Variants in GTPBP3 observed in about 807,000 individuals in gnomAD.
GTPBP3 encodes 5-taurinomethyluridine-[tRNA] synthase subunit GTPB3, mitochondrial.
A neutral mutation model predicts 42.0 loss-of-function variants in GTPBP3; 35 were observed. The ratio of observed to expected loss-of-function variants is 0.83; its 90% confidence interval spans 0.64 to 1.10. The LOEUF is 1.10. GTPBP3 is among the 50% of genes least tolerant of loss of function. GTPBP3 has a pLI of 0.00. For synonymous variants in GTPBP3, 332 were observed against 314.9 expected (o/e 1.05, Z -0.58); for missense variants, 691 against 685.2 (o/e 1.01, Z -0.09).
At position 17,341,235 on chromosome 19, in the gene GTPBP3, A is replaced by C. The variant is rs1599562782; in HGVS notation, c.1166A>C (p.Asp389Ala). The C allele has an allele frequency of 1.2e-6, 2 of 1,606,744 alleles. No individual in the cohort carries two copies. Among genetic ancestry groups the C allele is most frequent in the Non-Finnish European group, 1.7e-6 (2 of 1,179,680 alleles). The stretch of plus-strand genomic sequence containing the variant: ...CCGGAGGGCCCAGGTCCCGGTCCTG[A>C]CCTGCCCCCGCACCTGCTGCTGTCC... ...LSPEGPGPGP[D>A]LPPHLLLSCL... The change falls in exon 8 of 9, where the codon GAC becomes GCC. Residue 389 changes from aspartate (D) to alanine (A), a missense_variant. Coordinates refer to ENST00000324894, the MANE Select transcript of GTPBP3 (RefSeq NM_032620.4).
Position 17,337,851 on chromosome 19 carries a change from T to C in GTPBP3, c.54-157T>C, listed in dbSNP as rs3810204. On this transcript the variant is annotated intron_variant, in intron 1 of 8. Transcript: ENST00000324894. Reference sequence around the variant, plus strand: ...CTCCTTCTGGCCTCACAGTCCCTAATCCGGTCACCCTTCGGCCTTCAGAAC... The same window carrying C: ...CTCCTTCTGGCCTCACAGTCCCTAACCCGGTCACCCTTCGGCCTTCAGAAC... The C allele has an allele frequency of 0.29, 343,979 of 1,199,468 alleles. 54,499 individuals are homozygous for C. The highest frequency in any genetic ancestry group is 0.57 in the African/African-American group (37,033 of 64,914). 74.3% of individuals were successfully genotyped at this position (1,199,468 alleles called of 1,614,324 possible).
At position 17,341,196 on chromosome 19, in the gene GTPBP3, C is replaced by T. The variant is rs1568368093; in HGVS notation, c.1127C>T (p.Ser376Leu). 5 of 1,611,316 alleles carry T rather than the reference C, an allele frequency of 3.1e-6. No homozygotes were observed. The highest frequency in any genetic ancestry group is 3.4e-6 in the Non-Finnish European group (4 of 1,179,964). ...CGCCTCCTCCTGGTGCTGAACAAGT[C>T]GGACCTGCTGTCCCCGGAGGGCCCA... is the stretch of plus-strand genomic sequence containing the variant. ...SQRLLLVLNK[S>L]DLLSPEGPGP... The change falls in exon 8 of 9, where the codon TCG becomes TTG. Residue 376 changes from serine to leucine, a missense_variant. By Grantham distance (145) the Ser-to-Leu change is moderately radical. Coordinates refer to ENST00000324894, the MANE Select transcript of GTPBP3 (RefSeq NM_032620.4).
chr19:17,336,503 AAAAAT>A (rs753746761), upstream of GTPBP3, among the ~76,000 whole-genome samples: 2 of 151,954 alleles, frequency 1.3e-5, no homozygotes, highest in Admixed American at 1.3e-4. Context: ...ACCCTGTCTC[AAAAAT>A]AAAATAAAAT....
rs534233238 is a variant in GTPBP3, at chr19:17,339,198, G to A, written c.740G>A (p.Arg247His). Residue 247 changes from arginine (R) to histidine (H), a missense_variant, in exon 6 of 9, where the codon CGC becomes CAC. Transcript: ENST00000324894. Reference protein sequence around the residue: ...LRDARRGQRLRSGVHVVVTGP... With the variant: ...LRDARRGQRLHSGVHVVVTGP... The stretch of plus-strand genomic sequence containing the variant: ...GATGCCAGGCGCGGGCAGAGGCTCC[G>A]CTCAGGGGTGCACGTAGTGGTCACT... 7 of 1,613,444 alleles carry A rather than the reference G, an allele frequency of 4.3e-6. No homozygotes were observed. Among genetic ancestry groups the A allele is most frequent in the Admixed American group, 1.7e-5 (1 of 60,020 alleles).
Position 17,338,430 on chromosome 19 carries a change from AGCG to A in GTPBP3, c.371_373del (p.Gly124del), listed in dbSNP as rs770254800. 4 of 1,613,938 alleles carry A rather than the reference AGCG, an allele frequency of 2.5e-6. No individual in the cohort carries two copies. Among genetic ancestry groups the A allele is most frequent in the Non-Finnish European group, 3.4e-6 (4 of 1,180,032 alleles). ...CGTGCATGGAGGCCCGGCAGTGGTG[AGCG>A]GCGTCCTGCAGGCCTTGGGTGAGTT... On this transcript the variant is annotated inframe_deletion, in exon 3 of 9. Coordinates refer to ENST00000324894, the MANE Select transcript of GTPBP3 (RefSeq NM_032620.4).
intron 7 of GTPBP3, among the ~76,000 whole-genome samples, chr19:17,340,183 C>A (rs1690730302): frequency 6.6e-6 from 1 of 151,856 alleles, no homozygotes; most frequent in Admixed American, 6.6e-5. Flanking sequence ...TAGAGGCGCC[C>A]ACCACAATGC....
intron 2 of GTPBP3, 31 bp downstream of exon 2, chr19:17,338,286 A>G (rs774193543): frequency 3.2e-5 from 51 of 1,603,198 alleles, no homozygotes; most frequent in Admixed American, 5.1e-5. Context: ...AGCCTCCTGT[A>G]GGTCCCATGA....
chr19:17,341,164 C>A lies in GTPBP3; in HGVS notation c.1095C>A (p.Ser365Arg). The part of the protein sequence containing the change: ...ASVGAQSPSD[S>R]SQRLLLVLNK... Reference sequence around the variant, plus strand: ...TGGGAGCCCAGAGCCCCAGTGACAGCAGCCAGCGCCTCCTCCTGGTGCTGA... The same window carrying A: ...TGGGAGCCCAGAGCCCCAGTGACAGAAGCCAGCGCCTCCTCCTGGTGCTGA... The change falls in exon 8 of 9, where the codon AGC becomes AGA. Residue 365 changes from serine to arginine, a missense_variant. By Grantham distance (110) the Ser-to-Arg change is moderately radical (BLOSUM62 -1). Transcript: ENST00000324894. The A allele has an allele frequency of 6.2e-7, 1 of 1,613,118 alleles. No homozygotes were observed. Among genetic ancestry groups the A allele is most frequent in the South Asian group, 1.1e-5 (1 of 91,088 alleles).
At chr19:17,337,741 C>A in intron 1 of GTPBP3, 77 bp downstream of exon 1, 1 of 1,389,056 alleles carries the variant, frequency 7.2e-7, no homozygotes, top group Non-Finnish European at 9.5e-7. Flanking sequence ...GTTTTAGGGG[C>A]CCAATTCCCT....
intron 7 of GTPBP3, among the ~76,000 whole-genome samples, chr19:17,340,721 G>A (rs990181395): frequency 2.3e-5 from 3 of 128,882 alleles, no homozygotes; most frequent in African/African-American, 9.1e-5. Flanking sequence ...GCCCTCCTGT[G>A]CTGTGCCCCG....
chr19:17,336,088 T>C (rs2074364917), upstream of GTPBP3, among the ~76,000 whole-genome samples: 1 of 151,306 alleles, frequency 6.6e-6, no homozygotes, highest in Admixed American at 6.6e-5. Flanking sequence ...TACAAAAAAT[T>C]AGCCAGGCAT....
At position 17,337,991 on chromosome 19, in the gene GTPBP3, C is replaced by T; in HGVS notation, c.54-17C>T. 6.3e-7 allele frequency: 1 copy of T among 1,595,598 alleles called. No individual in the cohort carries two copies. Among genetic ancestry groups the T allele is most frequent in the Non-Finnish European group, 8.5e-7 (1 of 1,178,500 alleles). Reference sequence around the variant, plus strand: ...GAGCCTCCCAGGTGCGCTGATTCGCCTCCCCTCCGGTTCCAGATTGTGCAC... The same window carrying T: ...GAGCCTCCCAGGTGCGCTGATTCGCTTCCCCTCCGGTTCCAGATTGTGCAC... On this transcript the variant is annotated splice_polypyrimidine_tract_variant and intron_variant, in intron 1 of 8. Transcript: ENST00000324894.
chr19:17,338,591 G>A lies in GTPBP3; in HGVS notation c.441G>A (p.Ala147=), dbSNP rs762155226. The A allele has an allele frequency of 1.2e-6, 2 of 1,613,956 alleles. No individual in the cohort carries two copies. The highest frequency in any genetic ancestry group is 1.7e-6 in the Non-Finnish European group (2 of 1,179,968). Residue 147 remains alanine, a synonymous_variant, in exon 4 of 9, where the codon GCG becomes GCA. Coordinates refer to ENST00000324894, the MANE Select transcript of GTPBP3 (RefSeq NM_032620.4). ...AGGCAGGCGAGTTCACCAGACGGGC[G>A]TTCGCCAATGGGAAGCTGAACCTGA... ...PAEAGEFTRR[A]FANGKLNLTE...
chr19:17,336,839 A>C (rs985977661), upstream of GTPBP3: 14 of 152,306 alleles, frequency 9.2e-5, no homozygotes, highest in Admixed American at 3.9e-4. Context: ...TGGACCAGAG[A>C]GACAGAGAGC....
In GTPBP3 at chr19:17,339,171, G is replaced by C. The variant is rs767331683; in HGVS notation, c.713G>C (p.Arg238Pro). The change falls in exon 6 of 9, where the codon CGA becomes CCA. Residue 238 changes from arginine to proline, a missense_variant. By Grantham distance (103) the Arg-to-Pro change is moderately radical (BLOSUM62 -2). Coordinates refer to ENST00000324894, the MANE Select transcript of GTPBP3 (RefSeq NM_032620.4). ...ALQVALGAHL[R>P]DARRGQRLRS... ...CAGGTGGCCCTGGGTGCACATCTAC[G>C]AGATGCCAGGCGCGGGCAGAGGCTC... 6.8e-6 allele frequency: 11 copies of C among 1,613,848 alleles called. No homozygotes were observed. The highest frequency in any genetic ancestry group is 9.3e-6 in the Non-Finnish European group (11 of 1,180,024).
rs778676118 is a variant in GTPBP3 at position 17,338,731 on chromosome 19, C to A, written c.581C>A (p.Thr194Asn). The A allele has an allele frequency of 4.4e-6, 7 of 1,608,378 alleles. No homozygotes were observed. Among genetic ancestry groups the A allele is most frequent in the African/African-American group, 2.7e-5 (2 of 74,950 alleles). Residue 194 changes from threonine (T) to asparagine (N), a missense_variant, in exon 4 of 9, where the codon ACC (threonine) becomes AAC (asparagine). By Grantham distance (65) the Thr-to-Asn change is moderately conservative. Transcript: ENST00000324894. ...LGHLCRGWAE[T>N]LTKALAHVEA... ...CACCTCTGCCGTGGCTGGGCCGAGA[C>A]CCTCACCAAAGCAAGTCCCCCATTT...
chr19:17,341,414 C>A, intron 8 of GTPBP3, 64 bp from the exon 9 acceptor site: 1 of 1,568,632 alleles, frequency 6.4e-7, no homozygotes, highest in South Asian at 1.2e-5. Flanking sequence ...ATGGGTACAA[C>A]CATTTCCCCT....
rs1568365558 is a variant in GTPBP3 at position 17,338,055 on chromosome 19, C to T, written c.101C>T (p.Ala34Val). 1.0e-5 allele frequency: 16 copies of T among 1,597,984 alleles called. No individual in the cohort carries two copies. The highest frequency in any genetic ancestry group is 1.4e-5 in the Non-Finnish European group (16 of 1,179,462). The change falls in exon 2 of 9, where the codon GCC becomes GTC. Residue 34 changes from alanine to valine, a missense_variant. Physicochemically the swap from Ala to Val is moderately conservative, Grantham distance 64 (BLOSUM62 0). Coordinates refer to ENST00000324894, the MANE Select transcript of GTPBP3 (RefSeq NM_032620.4). ...GGCGCACCAGCCCCCGGCTCCGGCGCCACCATCTTCGCGCTAAGCTCTGGC... is the reference window on the plus strand; with the variant it reads ...GGCGCACCAGCCCCCGGCTCCGGCGTCACCATCTTCGCGCTAAGCTCTGGC... ...SSGAPAPGSG[A>V]TIFALSSGQG...
Position 17,341,523 on chromosome 19 carries a change from G to A in GTPBP3, c.1299G>A (p.Arg433=), listed in dbSNP as rs780004608. The change falls in exon 9 of 9, where the codon AGG becomes AGA. Residue 433 remains arginine, a synonymous_variant. Transcript: ENST00000324894. ...ATCCCCCGCTGCTGACCCGAGCAAGGCACCAGCACCACCTCCAGGGTTGCC... is the reference window on the plus strand; with the variant it reads ...ATCCCCCGCTGCTGACCCGAGCAAGACACCAGCACCACCTCCAGGGTTGCC... ...STDPPLLTRA[R]HQHHLQGCLD... is the part of the protein sequence containing the mutation. 1.9e-6 allele frequency: 3 copies of A among 1,613,490 alleles called. No individual in the cohort carries two copies. The highest frequency in any genetic ancestry group is 2.5e-6 in the Non-Finnish European group (3 of 1,179,880).
Sources: allele counts gnomAD v4.1 joint callset (sites outside exome capture counted in the v4.1 genomes callset), GRCh38; gene constraint gnomAD v4.1.1; transcripts MANE v1.5; gene names NCBI Gene and HGNC (gene_info 2026-07-23, HGNC 2026-07-21).